The following KLHDC1 variants were observed in gnomAD, a reference collection of about 807,000 sequenced individuals.
KLHDC1 encodes the protein kelch domain containing 1.
In KLHDC1, 53 loss-of-function variants were observed where a neutral mutation model predicts 68.3. The ratio of observed to expected loss-of-function variants is 0.78; its 90% confidence interval spans 0.62 to 0.98. The LOEUF (loss-of-function observed/expected upper bound fraction) is 0.98, where lower values mean the gene tolerates loss of function less well. Among genes scored for constraint, KLHDC1 ranks in the 50% least tolerant of loss-of-function variants. The pLI is 0.00. For missense variants in KLHDC1, 470 were observed against 492.3 expected (o/e 0.95, Z 0.43); for synonymous variants, 148 against 159.0 (o/e 0.93, Z 0.52).
intron 4 of KLHDC1, among the ~76,000 whole-genome samples, chr14:49,718,547 C>T (rs1263602079): frequency 6.6e-6 from 1 of 152,080 alleles, no homozygotes; most frequent in Admixed American, 6.6e-5. Context: ...TCCCAAAGTG[C>T]TGGGATTACA....
At chr14:49,711,560 G>A (rs994303811) in intron 4 of KLHDC1, among the ~76,000 whole-genome samples, 4 of 151,934 alleles carry the variant, frequency 2.6e-5, no homozygotes, top group Non-Finnish European at 5.9e-5. Context: ...GGCTGGCCTC[G>A]AACTCCTGAC....
intron 11 of KLHDC1, among the ~76,000 whole-genome samples, chr14:49,743,468 T>C (rs895467797): frequency 6.6e-6 from 1 of 152,020 alleles, no homozygotes. Flanking sequence ...GTGAAGAATG[T>C]ATTTCTTATT....
chr14:49,744,431 C>T (rs1455417643), intron 12 of KLHDC1, among the ~76,000 whole-genome samples: 2 of 151,904 alleles, frequency 1.3e-5, no homozygotes, highest in Non-Finnish European at 2.9e-5. Flanking sequence ...TGACATTTTT[C>T]ACATTTTAAC....
At chr14:49,713,057 C>T (rs932954601) in intron 4 of KLHDC1, among the ~76,000 whole-genome samples, 24 of 151,040 alleles carry the variant, frequency 1.6e-4, no homozygotes, top group Non-Finnish European at 3.1e-4. Flanking sequence ...TCACGCCATT[C>T]TCCTGCCTCA....
At chr14:49,693,742 C>CTTTTTGTTTT (rs1566589138) in intron 1 of KLHDC1, among the ~76,000 whole-genome samples, 1 of 60,926 alleles carries the variant, frequency 1.6e-5, no homozygotes, top group Non-Finnish European at 3.6e-5. Context: ...ATTTTCTTTT[C>CTTTTTGTTTT]TTTTTCTTTT....
rs869250721 is a variant in KLHDC1, at chr14:49,713,850, A to ATT, written c.404+3485_404+3486dup. Among the ~76,000 whole-genome samples the ATT allele has an allele frequency of 5.0e-4, 25 of 50,226 alleles. 1 individual carries two copies. The highest frequency in any genetic ancestry group is 2.2e-3 in the African/African-American group (25 of 11,474). 33.0% of individuals were successfully genotyped at this position (50,226 alleles called of 152,430 possible). A position where few individuals can be genotyped will look rare whatever the true frequency, so the allele number is the denominator to read the frequency against. ...TATATATATATATATATATATATAT[A>ATT]TTTTTTTTTTTTTTTTTCCTGAGAC... is the stretch of plus-strand genomic sequence containing the variant. On this transcript the variant is annotated intron_variant, in intron 4 of 12. Coordinates refer to ENST00000359332, the MANE Select transcript of KLHDC1 (RefSeq NM_172193.3).
At chr14:49,712,680 T>A (rs1460505724) in intron 4 of KLHDC1, among the ~76,000 whole-genome samples, 1 of 151,510 alleles carries the variant, frequency 6.6e-6, no homozygotes, top group East Asian at 2.0e-4. Flanking sequence ...TCTTTTTGTA[T>A]CTTTAGTAGA....
chr14:49,739,986 G>T, intron 10 of KLHDC1, 112 bp from the exon 11 acceptor site: 1 of 579,754 alleles, frequency 1.7e-6, no homozygotes, highest in Non-Finnish European at 3.0e-6. Context: ...GTTCAATCGT[G>T]TCTCTTTTAA....
At chr14:49,743,471 T>C (rs1889118781) in intron 11 of KLHDC1, among the ~76,000 whole-genome samples, 1 of 152,100 alleles carries the variant, frequency 6.6e-6, no homozygotes, top group South Asian at 2.1e-4. Context: ...AAGAATGTAT[T>C]TCTTATTTTC....
chr14:49,744,328 G>T (rs953167821), intron 12 of KLHDC1, among the ~76,000 whole-genome samples: 3 of 150,866 alleles, frequency 2.0e-5, no homozygotes, highest in African/African-American at 7.3e-5. Flanking sequence ...GTGTGTGTAT[G>T]TACACATACA....
rs139121707 is a variant in KLHDC1, at chr14:49,718,683, C to T, written c.405-5191C>T. Among the ~76,000 whole-genome samples the T allele has an allele frequency of 9.2e-5, 14 of 151,866 alleles. No individual in the cohort carries two copies. The East Asian group carries it at 2.5e-3, about 27-fold the overall frequency. On this transcript the variant is annotated intron_variant, in intron 4 of 12. Coordinates refer to ENST00000359332, the MANE Select transcript of KLHDC1 (RefSeq NM_172193.3). ...GAATCTGCTCTCTTTTTTCTTAGTG[C>T]AGCTGTCTAAGCATTTGTCAATTTT...
chr14:49,705,222 A>G (rs916346834), intron 1 of KLHDC1, among the ~76,000 whole-genome samples: 1 of 152,174 alleles, frequency 6.6e-6, no homozygotes, highest in African/African-American at 2.4e-5. Context: ...TGTGTGTGAA[A>G]GGCAACTTGA....
intron 12 of KLHDC1, among the ~76,000 whole-genome samples, chr14:49,749,639 C>A (rs1350811332): frequency 6.9e-6 from 1 of 144,816 alleles, no homozygotes; most frequent in Non-Finnish European, 1.5e-5. Context: ...GATCACATTA[C>A]TACACTCCAG....
At chr14:49,698,266 C>T (rs938171114) in intron 1 of KLHDC1, among the ~76,000 whole-genome samples, 4 of 152,174 alleles carry the variant, frequency 2.6e-5, no homozygotes, top group East Asian at 1.9e-4. Flanking sequence ...TGCAGTGGCA[C>T]GATCTCGGCT....
chr14:49,703,467 C>T (rs566237495), intron 1 of KLHDC1, among the ~76,000 whole-genome samples: 14 of 152,080 alleles, frequency 9.2e-5, no homozygotes, highest in African/African-American at 2.9e-4. Flanking sequence ...CTCAGCCTCC[C>T]AAGTAGCTGG....
At chr14:49,718,443 G>A (rs1316269554) in intron 4 of KLHDC1, among the ~76,000 whole-genome samples, 5 of 151,794 alleles carry the variant, frequency 3.3e-5, no homozygotes, top group Non-Finnish European at 7.4e-5. Context: ...ACCAGGCACA[G>A]CTAATTTTTT....
chr14:49,717,419 G>A (rs1419138272), intron 4 of KLHDC1, among the ~76,000 whole-genome samples: 1 of 152,134 alleles, frequency 6.6e-6, no homozygotes, highest in Non-Finnish European at 1.5e-5. Flanking sequence ...TATACTAGCA[G>A]ATGTGAAATG....
intron 12 of KLHDC1, among the ~76,000 whole-genome samples, chr14:49,745,100 A>G (rs1594684519): frequency 6.6e-6 from 1 of 152,236 alleles, no homozygotes; most frequent in African/African-American, 2.4e-5. Context: ...AGGGAATAAC[A>G]TAAGTGAAGA....
At chr14:49,703,344 ATT>A (rs201926678) in intron 1 of KLHDC1, among the ~76,000 whole-genome samples, 10 of 141,876 alleles carry the variant, frequency 7.0e-5, no homozygotes, top group African/African-American at 7.7e-5. Context: ...TCTTTCATGA[ATT>A]TTTTTTTTTT....
Sources: allele counts gnomAD v4.1 joint callset (sites outside exome capture counted in the v4.1 genomes callset), GRCh38; gene constraint gnomAD v4.1.1; transcripts MANE v1.5; gene names NCBI Gene and HGNC (gene_info 2026-07-23, HGNC 2026-07-21).